INVS: variants seen among roughly 807,000 people sequenced by gnomAD.
The protein encoded by INVS is inversion of embryo turning homolog.
Under a neutral mutation model 108.8 loss-of-function variants are expected in INVS, and 86 were observed. The ratio of observed to expected loss-of-function variants is 0.79; its 90% CI spans 0.66 to 0.95. The LOEUF is 0.95. INVS is among the 40% of genes least tolerant of loss of function. The pLI, the probability that INVS is intolerant of heterozygous loss-of-function variation, is 0.00. For missense variants in INVS, 1,169 were observed against 1,297.4 expected (o/e 0.90, Z 1.52); for synonymous variants, 455 against 473.5 (o/e 0.96, Z 0.51).
chr9:100,273,099 G>A (rs1267078171), intron 12 of INVS, 23 bp downstream of exon 12: 2 of 1,599,512 alleles, frequency 1.3e-6, no homozygotes, highest in African/African-American at 2.7e-5. Context: ...TACGCAGATT[G>A]CGTTTTCGCC....
At chr9:100,197,091 A>G (rs2118200878) in intron 3 of INVS, among the ~76,000 whole-genome samples, 1 of 152,312 alleles carries the variant, frequency 6.6e-6, no homozygotes, top group South Asian at 2.1e-4. Flanking sequence ...AGACTGCCTC[A>G]TGCTTCAGAC....
intron 3 of INVS, chr9:100,130,448 A>G (rs1041215624): frequency 6.6e-6 from 1 of 152,206 alleles, no homozygotes; most frequent in Admixed American, 6.5e-5. Context: ...TTTAAGAGAT[A>G]CATTATGGAG....
intron 6 of INVS, among the ~76,000 whole-genome samples, chr9:100,240,467 G>C (rs75399853): frequency 2.9e-3 from 443 of 152,108 alleles, no homozygotes; most frequent in African/African-American, 0.01. Context: ...TGTTATAAAA[G>C]TAATTCACAT....
intron 16 of INVS, among the ~76,000 whole-genome samples, chr9:100,299,359 C>T (rs1023079919): frequency 2.6e-5 from 4 of 152,010 alleles, no homozygotes; most frequent in Non-Finnish European, 5.9e-5. Flanking sequence ...CCCCCACCCC[C>T]GAGGTTTTAG....
chr9:100,265,455 C>G (rs1213493250), intron 11 of INVS, among the ~76,000 whole-genome samples: 1 of 152,174 alleles, frequency 6.6e-6, no homozygotes, highest in African/African-American at 2.4e-5. Flanking sequence ...AGAATTTCAT[C>G]TATTGCCTAG....
At chr9:100,112,791 C>T (rs1191519630) in intron 2 of INVS, among the ~76,000 whole-genome samples, 2 of 152,136 alleles carry the variant, frequency 1.3e-5, no homozygotes, top group Admixed American at 6.5e-5. Context: ...GTTGGATAAG[C>T]TCGAGTTAGG....
intron 3 of INVS, among the ~76,000 whole-genome samples, chr9:100,224,023 A>G (rs1039108255): frequency 6.6e-6 from 1 of 152,220 alleles, no homozygotes; most frequent in Non-Finnish European, 1.5e-5. Context: ...TAGCACTAAC[A>G]ATAACTGATG....
chr9:100,139,494 A>G (rs1828351192), intron 3 of INVS, among the ~76,000 whole-genome samples: 2 of 152,178 alleles, frequency 1.3e-5, no homozygotes, highest in Non-Finnish European at 2.9e-5. Context: ...ATTTCCAGCT[A>G]TCTTCTAGAA....
chr9:100,129,940 C>G, intron 3 of INVS: 1 of 429,190 alleles, frequency 2.3e-6, no homozygotes, highest in Non-Finnish European at 4.2e-6. Flanking sequence ...ATGCAAGAAT[C>G]TGGATACAAA....
chr9:100,187,799 C>T lies in INVS; in HGVS notation c.274-38263C>T, dbSNP rs973168514. ...CCTCCCAAAGTGCTGGGATTATAGG[C>T]GTGAGCCACTGCATCCAGCCTCATC... is the stretch of plus-strand genomic sequence containing the variant. On this transcript the variant is annotated intron_variant, in intron 3 of 16. Coordinates refer to ENST00000262457, the MANE Select transcript of INVS (RefSeq NM_014425.5). Among the ~76,000 whole-genome samples the T allele has an allele frequency of 3.3e-5, 5 of 152,212 alleles. No homozygotes were observed. The South Asian group carries it at 6.2e-4, about 19-fold the overall frequency.
intron 2 of INVS, among the ~76,000 whole-genome samples, chr9:100,123,692 A>G (rs887374842): frequency 2.0e-5 from 3 of 152,244 alleles, no homozygotes; most frequent in African/African-American, 7.2e-5. Context: ...AATATTTTCC[A>G]AAGTGACTCT....
At chr9:100,295,245 A>C (rs1833755027) in intron 14 of INVS, among the ~76,000 whole-genome samples, 1 of 152,128 alleles carries the variant, frequency 6.6e-6, no homozygotes. Flanking sequence ...AAGTGACCAG[A>C]GTAGCAAATG....
chr9:100,261,115 T>G (rs965494552), intron 10 of INVS, among the ~76,000 whole-genome samples: 20 of 152,184 alleles, frequency 1.3e-4, no homozygotes, highest in Admixed American at 6.5e-5. Flanking sequence ...GTTAATTATG[T>G]TTTCCAAGTC....
At chr9:100,135,019 T>C (rs920882113) in intron 3 of INVS, among the ~76,000 whole-genome samples, 1 of 152,206 alleles carries the variant, frequency 6.6e-6, no homozygotes, top group Non-Finnish European at 1.5e-5. Context: ...AGATGGGTAA[T>C]ATACTGAGAA....
chr9:100,251,773 C>T (rs542761787), intron 8 of INVS, among the ~76,000 whole-genome samples: 22 of 152,256 alleles, frequency 1.4e-4, no homozygotes, highest in Non-Finnish European at 7.3e-5. Flanking sequence ...GCAAGATGTG[C>T]GTGCTTTCAG....
chr9:100,269,926 C>T (rs1052576107), intron 11 of INVS, among the ~76,000 whole-genome samples: 1 of 152,188 alleles, frequency 6.6e-6, no homozygotes, highest in Admixed American at 6.5e-5. Context: ...TTAACTGTTT[C>T]CTTTGGACCA....
At position 100,272,985 on chromosome 9, in the gene INVS, G is replaced by T. The variant is rs1280811783; in HGVS notation, c.1693G>T (p.Val565Phe). The T allele has an allele frequency of 6.2e-7, 1 of 1,614,074 alleles. No homozygotes were observed. Among genetic ancestry groups the T allele is most frequent in the Non-Finnish European group, 8.5e-7 (1 of 1,180,024 alleles). Residue 565 changes from valine to phenylalanine, a missense_variant, in exon 12 of 17, where the codon GTC becomes TTC. By Grantham distance (50) the Val-to-Phe change is conservative. Coordinates refer to ENST00000262457, the MANE Select transcript of INVS (RefSeq NM_014425.5). ...CATCGCCGCCTTCAAAATCCAAGCT[G>T]TCTACAAAGGGTACAAGGTCAGAAA... ...QDIAAFKIQA[V>F]YKGYKVRKAF...
At chr9:100,122,365 T>C (rs1300200820) in intron 2 of INVS, among the ~76,000 whole-genome samples, 1 of 152,154 alleles carries the variant, frequency 6.6e-6, no homozygotes, top group Non-Finnish European at 1.5e-5. Context: ...TTAGTATGTA[T>C]ACATTTAGGA....
intron 2 of INVS, 106 bp downstream of exon 2, chr9:100,104,733 AAT>A: frequency 1.3e-6 from 1 of 763,794 alleles, no homozygotes; most frequent in Non-Finnish European, 2.3e-6. Context: ...TTTTAATGGA[AAT>A]ATGTTATTAT....
Sources: gnomAD v4.1 joint callset for allele counts (sites outside exome capture counted in the v4.1 genomes callset) on GRCh38, gnomAD v4.1.1 for gene constraint, MANE v1.5 for transcripts, NCBI Gene and HGNC (gene_info 2026-07-23, HGNC 2026-07-21) for gene names.